The following ENG variants were observed in gnomAD, a reference collection of about 807,000 sequenced individuals.
The protein encoded by ENG is CD105 antigen.
Under a neutral mutation model 71.0 loss-of-function variants are expected in ENG, and 17 were observed. The observed-to-expected ratio is 0.24, with a 90% confidence interval of 0.16 to 0.36. The LOEUF is 0.36. Among genes scored for constraint, ENG ranks in the 10% least tolerant of loss-of-function variants. The probability of loss-of-function intolerance (pLI) is 1.00; values close to 1 mark genes in which losing one functional copy is unlikely to be tolerated. For missense variants in ENG, 749 were observed against 868.3 expected (o/e 0.86, Z 1.73); for synonymous variants, 360 against 366.9 (o/e 0.98, Z 0.21).
At chr9:127,839,902 A>G (rs1417734874) in intron 2 of ENG, among the ~76,000 whole-genome samples, 1 of 152,136 alleles carries the variant, frequency 6.6e-6, no homozygotes, top group African/African-American at 2.4e-5. Flanking sequence ...CAAATTATTC[A>G]ACTGATACGA....
chr9:127,817,562 T>C (rs1458002917), intron 12 of ENG, among the ~76,000 whole-genome samples: 1 of 151,684 alleles, frequency 6.6e-6, no homozygotes, highest in Non-Finnish European at 1.5e-5. Flanking sequence ...CTTAGGGGAG[T>C]TGAAGGCTTC....
At chr9:127,847,048 C>T (rs1312560939) in intron 1 of ENG, 1 of 637,874 alleles carries the variant, frequency 1.6e-6, no homozygotes, top group Non-Finnish European at 1.9e-6. Context: ...CCTAACCTCT[C>T]TGAGCCTCAG....
At chr9:127,841,590 A>G (rs1831033409) in intron 2 of ENG, among the ~76,000 whole-genome samples, 1 of 152,208 alleles carries the variant, frequency 6.6e-6, no homozygotes, top group Non-Finnish European at 1.5e-5. Context: ...CGTAGAGGGC[A>G]GGGCGGTGGG....
Position 127,838,948 on chromosome 9 carries a change from AC to A in ENG, c.219+4145del, listed in dbSNP as rs1830966341. ...ATTCTGAGGGATGGACGGGAAAGCC[AC>A]TTCTCTGTGCCAGAGATCGAAGAAG... On this transcript the variant is annotated intron_variant, in intron 2 of 14. Transcript: ENST00000373203. This position sits in a 1 kb window ranked among gnomAD's most constrained non-coding sequence, Gnocchi z 4.3. Among the ~76,000 whole-genome samples the A allele has an allele frequency of 6.6e-6, 1 of 152,172 alleles. No individual in the cohort carries two copies. Among genetic ancestry groups the A allele is most frequent in the African/African-American group, 2.4e-5 (1 of 41,430 alleles).
intron 1 of ENG, among the ~76,000 whole-genome samples, chr9:127,851,124 G>A (rs1831273381): frequency 6.6e-6 from 1 of 152,162 alleles, no homozygotes; most frequent in Non-Finnish European, 1.5e-5. Flanking sequence ...GAGTTCCGAG[G>A]TGATTTTTTC....
chr9:127,847,962 C>T (rs991474905), intron 1 of ENG, among the ~76,000 whole-genome samples: 5 of 152,150 alleles, frequency 3.3e-5, no homozygotes, highest in Non-Finnish European at 5.9e-5. Flanking sequence ...AAAAGCACAG[C>T]GATTTGACAG....
At chr9:127,818,949 T>G in intron 10 of ENG, 117 bp from the exon 11 acceptor site, 1 of 888,130 alleles carries the variant, frequency 1.1e-6, no homozygotes, top group South Asian at 1.4e-5. Context: ...TCTTTTTTTT[T>G]TTTTTTGAGA....
chr9:127,817,477 CTTGTGAACACT>C lies in ENG; in HGVS notation c.1687-285_1687-275del, dbSNP rs1446963521. On this transcript the variant is annotated intron_variant, in intron 12 of 14. Transcript: ENST00000373203. ...GTGGAAGCACTATGCATCCCTCACC[CTTGTGAACACT>C]TTGGAGCTATGAGCCAGGTCAGCCC... 3 of 527,774 alleles carry C rather than the reference CTTGTGAACACT, an allele frequency of 5.7e-6. No homozygotes were observed. The African/African-American group carries it at 5.7e-5, about 10-fold the overall frequency. The allele number at this position is 527,774 out of a possible 1,614,324, so 32.7% of individuals were successfully genotyped here.
At chr9:127,818,906 C>T (rs900947822) in intron 10 of ENG, 74 bp from the exon 11 acceptor site, 3 of 1,266,780 alleles carry the variant, frequency 2.4e-6, no homozygotes, top group Non-Finnish European at 1.2e-6. Context: ...TGGGGAGGAA[C>T]AGGCATCATG....
At chr9:127,828,128 C>T (rs1830670331) in intron 3 of ENG, among the ~76,000 whole-genome samples, 2 of 151,428 alleles carry the variant, frequency 1.3e-5, no homozygotes, top group Admixed American at 1.3e-4. Flanking sequence ...ATATTGAGGA[C>T]TGCCAGATGG....
chr9:127,824,340 G>A lies in ENG; in HGVS notation c.1098C>T (p.Asp366=), dbSNP rs201497772. The A allele has an allele frequency of 8.0e-5, 129 of 1,613,984 alleles. 1 individual carries two copies. In the East Asian group the frequency reaches 2.3e-3, roughly 29 times the overall value. The change falls in exon 8 of 15, where the codon GAC becomes GAT. Residue 366 remains aspartate (D), a synonymous_variant. Transcript: ENST00000373203. ...CTTTCTTTAGTACCAGGGTCATGGCGTCGTCGGCACACTTTGTCTGGATCA... is the reference window on the plus strand; with the variant it reads ...CTTTCTTTAGTACCAGGGTCATGGCATCGTCGGCACACTTTGTCTGGATCA... The part of the protein sequence containing the change: ...MSLIQTKCAD[D]AMTLVLKKEL...
intron 1 of ENG, among the ~76,000 whole-genome samples, chr9:127,852,007 T>C (rs1457730007): frequency 6.6e-6 from 1 of 152,236 alleles, no homozygotes; most frequent in Non-Finnish European, 1.5e-5. Context: ...TACTATTTTA[T>C]TGTTGCCAAA....
At chr9:127,817,847 T>TGGAC in intron 12 of ENG, 5 of 563,898 alleles carry the variant, frequency 8.9e-6, no homozygotes, top group Non-Finnish European at 1.3e-5. Flanking sequence ...GATGGATGGA[T>TGGAC]GGACGGACGG....
chr9:127,843,732 CATACATATAT>C (rs1444741446), intron 1 of ENG, among the ~76,000 whole-genome samples: 49 of 12,746 alleles, frequency 3.8e-3, no homozygotes, highest in East Asian at 0.029. Context: ...CACACATCCA[CATACATATAT>C]ATATATATAT....
At chr9:127,848,288 C>CTT (rs144002612) in intron 1 of ENG, among the ~76,000 whole-genome samples, 3 of 149,606 alleles carry the variant, frequency 2.0e-5, no homozygotes, top group South Asian at 4.3e-4. Context: ...ACCACCTGGC[C>CTT]TTTTTTTTTT....
Position 127,818,334 on chromosome 9 carries a change from T to C in ENG, c.1472A>G (p.Asp491Gly). The change falls in exon 12 of 15, where the codon GAC becomes GGC. Residue 491 changes from aspartate to glycine, a missense_variant. Asp to Gly is a moderately conservative substitution (Grantham distance 94). Coordinates refer to ENST00000373203, the MANE Select transcript of ENG (RefSeq NM_001114753.3). ...PSVSEFLLQL[D>G]SCHLDLGPEG... ...AGGCCCCAAGTCCAGGTGGCAGCTG[T>C]CTAACTGGAGCAGGAACTCGGAGAC... The C allele has an allele frequency of 1.2e-6, 2 of 1,613,988 alleles. No individual in the cohort carries two copies. Among genetic ancestry groups the C allele is most frequent in the East Asian group, 2.2e-5 (1 of 44,876 alleles).
intron 1 of ENG, chr9:127,847,118 G>A (rs922639808): frequency 6.1e-5 from 12 of 195,736 alleles, no homozygotes; most frequent in Middle Eastern, 2.4e-3. Flanking sequence ...CTTACTGGGA[G>A]CCTAGGCAGC....
At chr9:127,848,590 A>G (rs4836584) in intron 1 of ENG, among the ~76,000 whole-genome samples, 148,429 of 152,320 alleles carry the variant, frequency 0.97, 72,446 homozygotes, top group East Asian at 1. Context: ...AGCCCCTAGC[A>G]AACTTCTATT....
At chr9:127,850,987 G>A (rs117833280) in intron 1 of ENG, among the ~76,000 whole-genome samples, 2,021 of 152,194 alleles carry the variant, frequency 0.013, 14 homozygotes, top group Non-Finnish European at 0.02. Flanking sequence ...TGGAGACCTG[G>A]TTCGAAAGAA....
Sources: allele counts gnomAD v4.1 joint callset (sites outside exome capture counted in the v4.1 genomes callset), GRCh38; gene constraint gnomAD v4.1.1; non-coding constraint Gnocchi (gnomAD v3.1); transcripts MANE v1.5; gene names NCBI Gene and HGNC (gene_info 2026-07-23, HGNC 2026-07-21).